The following RGS8 variants were observed in gnomAD, a reference collection of about 807,000 sequenced individuals.
The protein encoded by RGS8 is regulator of G protein signaling 8.
RGS8 carries 8 observed loss-of-function variants against 21.7 expected under a neutral mutation model. The ratio of observed to expected loss-of-function variants is 0.37; its 90% CI spans 0.22 to 0.66. RGS8 has a LOEUF of 0.66. RGS8 is among the 30% of genes least tolerant of loss of function. RGS8 has a pLI of 0.59. For missense variants in RGS8, 157 were observed against 217.9 expected, an observed-to-expected ratio of 0.72 and a Z score of 1.76; for synonymous variants, 80 against 83.6, an observed-to-expected ratio of 0.96 and a Z score of 0.24.
At chr1:182,684,656 G>A (rs116712213), upstream of RGS8, 2,076 of 152,480 alleles carry the variant, frequency 0.014, 23 homozygotes, top group Non-Finnish European at 0.02. The surrounding 1 kb of genome is among the most constrained non-coding windows in gnomAD (Gnocchi z 4.2). Flanking sequence ...GATGCGCACT[G>A]CCACGCAGAG....
chr1:182,737,285 T>TTAA, the RGS8 span, among the ~76,000 whole-genome samples: 3 of 149,342 alleles, frequency 2.0e-5, no homozygotes, highest in South Asian at 4.3e-4. Context: ...ATCTCATAGG[T>TTAA]AAAAAAAAAA....
chr1:182,749,459 A>G, the RGS8 span, among the ~76,000 whole-genome samples: 35 of 152,162 alleles, frequency 2.3e-4, no homozygotes, highest in Admixed American at 2.3e-3. Flanking sequence ...CTGTTTTAAT[A>G]CCACACACTG....
chr1:182,671,123 C>T (rs1664136897), intron 2 of RGS8, among the ~76,000 whole-genome samples: 1 of 152,242 alleles, frequency 6.6e-6, no homozygotes, highest in African/African-American at 2.4e-5. Flanking sequence ...CATTCCACTG[C>T]CAGCCCACAC....
chr1:182,677,457 C>A (rs995345595), upstream of RGS8, among the ~76,000 whole-genome samples: 2 of 152,146 alleles, frequency 1.3e-5, no homozygotes, highest in African/African-American at 4.8e-5. Context: ...TAGAGGATTA[C>A]TTAGATGTCT....
the RGS8 span, chr1:182,734,543 CTTCT>C: frequency 6.6e-6 from 1 of 152,142 alleles, no homozygotes; most frequent in African/African-American, 2.4e-5. Context: ...CTTCTATGTC[CTTCT>C]TTGACTTTGT....
At chr1:182,719,163 A>G in the RGS8 span, among the ~76,000 whole-genome samples, 4 of 152,190 alleles carry the variant, frequency 2.6e-5, no homozygotes, top group Non-Finnish European at 5.9e-5. Context: ...TTCTCTATGC[A>G]CAAAGGCCAG....
At chr1:182,647,967 T>C (rs769674168) in intron 6 of RGS8, among the ~76,000 whole-genome samples, 170 bp downstream of exon 7, 6 of 152,220 alleles carry the variant, frequency 3.9e-5, no homozygotes, top group African/African-American at 7.2e-5. Context: ...ATGGAAACCC[T>C]GGGTTTCAGT....
the RGS8 span, among the ~76,000 whole-genome samples, chr1:182,735,401 T>C: frequency 1.3e-5 from 2 of 152,196 alleles, no homozygotes; most frequent in African/African-American, 4.8e-5. Context: ...TATCCATTAG[T>C]TAACTTTTGT....
the RGS8 span, among the ~76,000 whole-genome samples, chr1:182,709,411 A>T: frequency 6.6e-6 from 1 of 151,822 alleles, no homozygotes; most frequent in Non-Finnish European, 1.5e-5. Flanking sequence ...AAACCAGAAT[A>T]CTCTTGACTC....
At chr1:182,690,242 GC>G in the RGS8 span, among the ~76,000 whole-genome samples, 177 of 152,276 alleles carry the variant, frequency 1.2e-3, no homozygotes, top group African/African-American at 4.1e-3. Context: ...CATAATTCAT[GC>G]CCCCCTGACA....
the RGS8 span, among the ~76,000 whole-genome samples, chr1:182,709,754 C>G: frequency 1.3e-5 from 2 of 152,188 alleles, no homozygotes; most frequent in South Asian, 2.1e-4. Flanking sequence ...TCAACTCCCC[C>G]CACTGTCACT....
chr1:182,664,602 A>T (rs1367420664), intron 5 of RGS8, among the ~76,000 whole-genome samples: 1 of 151,836 alleles, frequency 6.6e-6, no homozygotes, highest in South Asian at 2.1e-4. Context: ...TAGCCTCATT[A>T]AAAAAAATAG....
At chr1:182,732,105 C>CT in the RGS8 span, among the ~76,000 whole-genome samples, 4 of 152,126 alleles carry the variant, frequency 2.6e-5, no homozygotes, top group Non-Finnish European at 5.9e-5. Context: ...TGGTGACTGA[C>CT]TGGGTGTTTT....
the RGS8 span, among the ~76,000 whole-genome samples, chr1:182,738,558 G>C: frequency 1.3e-5 from 2 of 152,176 alleles, no homozygotes; most frequent in African/African-American, 4.8e-5. Flanking sequence ...AAATGAAAAT[G>C]ATCTAACAAT....
intron 1 of RGS8, among the ~76,000 whole-genome samples, chr1:182,679,647 T>C (rs1664477264): frequency 6.6e-6 from 1 of 152,174 alleles, no homozygotes; most frequent in African/African-American, 2.4e-5. Context: ...TCCCATCATG[T>C]AGACACCAAT....
intron 5 of RGS8, among the ~76,000 whole-genome samples, chr1:182,661,859 G>A (rs1663608418): frequency 2.0e-5 from 3 of 150,748 alleles, no homozygotes; most frequent in Non-Finnish European, 4.4e-5. Flanking sequence ...CTTGGGGCCA[G>A]ACTACATGCA....
chr1:182,728,521 G>A, the RGS8 span, among the ~76,000 whole-genome samples: 1 of 152,138 alleles, frequency 6.6e-6, no homozygotes, highest in Non-Finnish European at 1.5e-5. Flanking sequence ...AAACTTCATG[G>A]AGCTGAAAAG....
the RGS8 span, among the ~76,000 whole-genome samples, chr1:182,713,273 T>A: frequency 6.6e-6 from 1 of 151,290 alleles, no homozygotes; most frequent in Non-Finnish European, 1.5e-5. Flanking sequence ...AACCTCCAGC[T>A]CCCAGGTTCA....
the RGS8 span, among the ~76,000 whole-genome samples, chr1:182,699,643 C>A: frequency 6.6e-6 from 1 of 152,212 alleles, no homozygotes; most frequent in Non-Finnish European, 1.5e-5. Flanking sequence ...AAGCCTGCTT[C>A]GTTGCTGCAG....
Sources: gnomAD v4.1 joint callset for allele counts (sites outside exome capture counted in the v4.1 genomes callset) on GRCh38, gnomAD v4.1.1 for gene constraint, Gnocchi (gnomAD v3.1) non-coding constraint, MANE v1.5 for transcripts, NCBI Gene and HGNC (gene_info 2026-07-23, HGNC 2026-07-21) for gene names.